The following CD22 variants were observed in gnomAD, a reference collection of about 807,000 sequenced individuals.
The protein encoded by CD22 is B-cell receptor CD22.
Under a neutral mutation model 94.7 loss-of-function variants are expected in CD22, and 51 were observed. The observed-to-expected ratio is 0.54, with a 90% confidence interval of 0.43 to 0.68. The LOEUF is 0.68. Ranked by LOEUF, CD22 falls within the 30% of genes least tolerant of loss-of-function variation. The pLI is 0.00. For missense variants in CD22, 931 were observed against 1,060.4 expected, an observed-to-expected ratio of 0.88 and a Z score of 1.69; for synonymous variants, 424 against 422.5, an observed-to-expected ratio of 1.00 and a Z score of -0.04.
rs2066669249 is a variant in CD22, at chr19:35,333,131, T to C, written c.412+207T>C. The C allele has an allele frequency of 7.3e-6, 4 of 549,704 alleles. No homozygotes were observed. In the East Asian group the frequency reaches 1.1e-4, roughly 16 times the overall value. 34.1% of individuals were successfully genotyped at this position (549,704 alleles called of 1,614,324 possible). A position where few individuals can be genotyped will look rare whatever the true frequency, so the allele number is the denominator to read the frequency against. ...ATCTGACCCTCAGTTCCTGCCCCTC[T>C]GGGACCTGGATTCCAAAGTTATCGG... On this transcript the variant is annotated intron_variant, in intron 3 of 13. Coordinates refer to ENST00000085219, the MANE Select transcript of CD22 (RefSeq NM_001771.4).
At position 35,346,818 on chromosome 19, in the gene CD22, G is replaced by GCACACACA. The variant is rs113404776; in HGVS notation, c.*133_*140dup. 3.0e-6 allele frequency: 2 copies of GCACACACA among 665,664 alleles called. No individual in the cohort carries two copies. Among genetic ancestry groups the GCACACACA allele is most frequent in the Non-Finnish European group, 4.7e-6 (2 of 423,166 alleles). 41.2% of individuals were successfully genotyped at this position (665,664 alleles called of 1,614,324 possible). A position where few individuals can be genotyped will look rare whatever the true frequency, so the allele number is the denominator to read the frequency against. ...CATGTGCGCACACACACACACACACGCACACACACACACACACACTCACTG... is the reference window on the plus strand; with the variant it reads ...CATGTGCGCACACACACACACACACGCACACACACACACACACACACACACACTCACTG... On this transcript the variant is annotated 3_prime_UTR_variant, in exon 14 of 14. Transcript: ENST00000085219.
rs747079970 is a variant in CD22, at chr19:35,337,953, A to C, written c.917A>C (p.Lys306Thr). Residue 306 changes from lysine (K) to threonine (T), a missense_variant, in exon 5 of 14, where the codon AAG becomes ACG. Transcript: ENST00000085219. This position sits in a 1 kb window ranked among gnomAD's most constrained non-coding sequence, Gnocchi z 4.4. The stretch of plus-strand genomic sequence containing the variant: ...GAAGTGACCAAGGACCAGAGTGGGA[A>C]GTACTGCTGTCAGGTCTCCAATGAC... ...LREVTKDQSG[K>T]YCCQVSNDVG... 7.4e-6 allele frequency: 12 copies of C among 1,614,210 alleles called. No individual in the cohort carries two copies. The highest frequency in any genetic ancestry group is 1.0e-5 in the Non-Finnish European group (12 of 1,180,014).
intron 2 of CD22, 196 bp downstream of exon 2, chr19:35,332,270 G>A: frequency 3.1e-6 from 2 of 650,158 alleles, no homozygotes; most frequent in Non-Finnish European, 5.3e-6. Flanking sequence ...CTGTCTTTGT[G>A]TATCTCTGTA....
chr19:35,343,844 T>C (rs1168560775), intron 9 of CD22, among the ~76,000 whole-genome samples: 1 of 152,202 alleles, frequency 6.6e-6, no homozygotes, highest in Non-Finnish European at 1.5e-5. Flanking sequence ...CTTTTTCAGA[T>C]TAATAATTGG....
At chr19:35,343,099 A>ATTTTTTT (rs762734941) in intron 9 of CD22, among the ~76,000 whole-genome samples, 1 of 132,920 alleles carries the variant, frequency 7.5e-6, no homozygotes, top group African/African-American at 2.8e-5. Flanking sequence ...CACCCGGCTG[A>ATTTTTTT]TTTTTTTTTT....
chr19:35,337,454 T>C lies in CD22; in HGVS notation c.719-301T>C, dbSNP rs1213050464. ...GGAGGCAGGAGATGGAGCAGGACTCTGGATCCCGAGGGCTGAGGTGAGGGT... is the reference window on the plus strand; with the variant it reads ...GGAGGCAGGAGATGGAGCAGGACTCCGGATCCCGAGGGCTGAGGTGAGGGT... On this transcript the variant is annotated intron_variant, in intron 4 of 13. Transcript: ENST00000085219. This position sits in a 1 kb window ranked among gnomAD's most constrained non-coding sequence, Gnocchi z 4.4. Among the ~76,000 whole-genome samples the C allele has an allele frequency of 2.0e-5, 3 of 152,182 alleles. No homozygotes were observed. In the East Asian group the frequency reaches 5.8e-4, roughly 29 times the overall value.
rs201453271 is a variant in CD22, at chr19:35,332,612, G to A, written c.100G>A (p.Ala34Thr). ...WVFEHPETLY[A>T]WEGACVWIPC... Reference sequence around the variant, plus strand: ...TTTTGAGCACCCTGAAACCCTCTACGCCTGGGAGGGGGCCTGCGTCTGGAT... The same window carrying A: ...TTTTGAGCACCCTGAAACCCTCTACACCTGGGAGGGGGCCTGCGTCTGGAT... Residue 34 changes from alanine (A) to threonine (T), a missense_variant, in exon 3 of 14, where the codon GCC becomes ACC. Physicochemically the swap from Ala to Thr is moderately conservative, Grantham distance 58. Coordinates refer to ENST00000085219, the MANE Select transcript of CD22 (RefSeq NM_001771.4). 6.8e-6 allele frequency: 11 copies of A among 1,614,060 alleles called. No homozygotes were observed. The East Asian group carries it at 1.1e-4, about 16-fold the overall frequency.
intron 9 of CD22, chr19:35,344,628 A>G: frequency 1.8e-6 from 1 of 570,646 alleles, no homozygotes; most frequent in Non-Finnish European, 3.1e-6. Flanking sequence ...GCAGCTCCTC[A>G]GGAGAATTAG....
chr19:35,342,634 G>A (rs796266909), intron 9 of CD22, among the ~76,000 whole-genome samples: 1 of 151,994 alleles, frequency 6.6e-6, no homozygotes, highest in African/African-American at 2.4e-5. Flanking sequence ...CTTGTCCTGC[G>A]TCACCAGTCT....
rs772876606 is a variant in CD22 at position 35,332,923 on chromosome 19, T to C, written c.411T>C (p.Ser137=). 1.2e-6 allele frequency: 2 copies of C among 1,611,502 alleles called. No individual in the cohort carries two copies. Among genetic ancestry groups the C allele is most frequent in the East Asian group, 2.2e-5 (1 of 44,824 alleles). Residue 137 remains serine, a splice_region_variant and synonymous_variant, in exon 3 of 14, where the codon TCT becomes TCC. Coordinates refer to ENST00000085219, the MANE Select transcript of CD22 (RefSeq NM_001771.4). ...KWMERIHLNV[S]ERPFPPHIQL... ...TGGAACGAATACACCTCAATGTCTC[T>C]GGTAAGGCCTTCGGGGAGCGGGTCC...
intron 2 of CD22, 122 bp downstream of exon 2, chr19:35,332,196 G>A: frequency 9.7e-7 from 1 of 1,033,138 alleles, no homozygotes; most frequent in South Asian, 1.3e-5. Flanking sequence ...GGTGTGTATA[G>A]ATAAATGTAC....
chr19:35,332,861 C>CTGGGGCTGAGGA lies in CD22; in HGVS notation c.353_364dup (p.Gly118_Met121dup). On this transcript the variant is annotated inframe_insertion, in exon 3 of 14. Coordinates refer to ENST00000085219, the MANE Select transcript of CD22 (RefSeq NM_001771.4). ...GGTGCACCTCAATGACAGTGGTCAGCTGGGGCTGAGGATGGAGTCCAAGAC... is the reference window on the plus strand; with the variant it reads ...GGTGCACCTCAATGACAGTGGTCAGCTGGGGCTGAGGATGGGGCTGAGGATGGAGTCCAAGAC... 1 of 1,614,162 alleles carries CTGGGGCTGAGGA rather than the reference C, an allele frequency of 6.2e-7. No individual in the cohort carries two copies. The highest frequency in any genetic ancestry group is 2.2e-5 in the East Asian group (1 of 44,886).
chr19:35,340,922 C>A lies in CD22; in HGVS notation c.1291C>A (p.Pro431Thr), dbSNP rs2066798239. 6.2e-7 allele frequency: 1 copy of A among 1,614,014 alleles called. No individual in the cohort carries two copies. Among genetic ancestry groups the A allele is most frequent in the South Asian group, 1.1e-5 (1 of 91,074 alleles). Residue 431 changes from proline (P) to threonine (T), a missense_variant, in exon 7 of 14, where the codon CCG becomes ACG. Physicochemically the swap from Pro to Thr is conservative, Grantham distance 38 (BLOSUM62 -1). Transcript: ENST00000085219. ...GACCACAGTGATTCAAAACCCCATG[C>A]CGATTCGAGAAGGAGACACAGTGAC... is the stretch of plus-strand genomic sequence containing the variant. ...KVTTVIQNPMPIREGDTVTLS... is the reference protein window; with the variant it reads ...KVTTVIQNPMTIREGDTVTLS...
chr19:35,337,125 G>GC lies in CD22; in HGVS notation c.719-629dup, dbSNP rs1230234789. On this transcript the variant is annotated intron_variant, in intron 4 of 13. Transcript: ENST00000085219. The surrounding 1 kb of genome is among the most constrained non-coding windows in gnomAD (Gnocchi z 4.4). The stretch of plus-strand genomic sequence containing the variant: ...ATGATGGCAGGCGCCTGTAGTCCCA[G>GC]CTACTTGGGAGGCCAAGGCAGGAGA... 2.0e-5 allele frequency among the ~76,000 whole-genome samples: 3 copies of GC among 152,172 alleles called. No homozygotes were observed. The highest frequency in any genetic ancestry group is 4.4e-5 in the Non-Finnish European group (3 of 68,030).
chr19:35,345,535 G>A, intron 11 of CD22, 67 bp from the exon 12 acceptor site: 1 of 972,006 alleles, frequency 1.0e-6, no homozygotes, highest in Non-Finnish European at 1.6e-6. Flanking sequence ...TGGGCTGTCA[G>A]AGGCCAGGGA....
At chr19:35,338,960 T>A (rs1344016641) in intron 6 of CD22, among the ~76,000 whole-genome samples, 1 of 147,294 alleles carries the variant, frequency 6.8e-6, no homozygotes, top group Non-Finnish European at 1.5e-5. Context: ...TGAGGCCAGG[T>A]GCGGTGGCTC....
Position 35,336,163 on chromosome 19 carries a change from G to C in CD22, c.540G>C (p.Gly180=), listed in dbSNP as rs1310998310. ...YPIQLQWLLE[G]VPMRQAAVTS... Reference sequence around the variant, plus strand: ...TCCAATTGCAGTGGCTCCTAGAGGGGGTTCCAATGAGGCAGGCTGCTGTCA... The same window carrying C: ...TCCAATTGCAGTGGCTCCTAGAGGGCGTTCCAATGAGGCAGGCTGCTGTCA... Residue 180 remains glycine (G), a synonymous_variant, in exon 4 of 14, where the codon GGG becomes GGC. Coordinates refer to ENST00000085219, the MANE Select transcript of CD22 (RefSeq NM_001771.4). The C allele has an allele frequency of 2.5e-6, 4 of 1,614,060 alleles. No individual in the cohort carries two copies. Among genetic ancestry groups the C allele is most frequent in the African/African-American group, 2.7e-5 (2 of 74,916 alleles).
intron 9 of CD22, among the ~76,000 whole-genome samples, chr19:35,343,581 A>T (rs2066850959): frequency 6.6e-6 from 1 of 152,158 alleles, no homozygotes; most frequent in Non-Finnish European, 1.5e-5. Context: ...ATGCATACAC[A>T]GAGTGTCTAA....
At chr19:35,335,093 A>G (rs1488681727) in intron 3 of CD22, among the ~76,000 whole-genome samples, 1 of 151,216 alleles carries the variant, frequency 6.6e-6, no homozygotes, top group East Asian at 1.9e-4. Flanking sequence ...AAAAAAAAAA[A>G]AAAAAAGAGG....
Sources: allele counts gnomAD v4.1 joint callset (sites outside exome capture counted in the v4.1 genomes callset), GRCh38; gene constraint gnomAD v4.1.1; non-coding constraint Gnocchi (gnomAD v3.1); transcripts MANE v1.5; gene names NCBI Gene and HGNC (gene_info 2026-07-23, HGNC 2026-07-21).